Variants in MSLN observed in about 807,000 individuals in gnomAD.
MSLN encodes the protein mesothelin.
A neutral mutation model predicts 72.6 loss-of-function variants in MSLN; 82 were observed. The ratio of observed to expected loss-of-function variants is 1.13; its 90% CI spans 0.94 to 1.36. MSLN has a LOEUF of 1.36. Among genes scored for constraint, MSLN ranks in the 40% most tolerant of loss-of-function variants. The pLI, the probability that MSLN is intolerant of heterozygous loss-of-function variation, is 0.00. For missense variants in MSLN, 1,005 were observed against 847.9 expected, an observed-to-expected ratio of 1.19 and a Z score of -2.30; for synonymous variants, 456 against 387.3, an observed-to-expected ratio of 1.18 and a Z score of -2.08.
chr16:766,119 A>C lies in MSLN; in HGVS notation c.956A>C (p.Lys319Thr). The change falls in exon 12 of 18, where the codon AAG (lysine) becomes ACG (threonine). Residue 319 changes from lysine (K) to threonine (T), a missense_variant. By Grantham distance (78) the Lys-to-Thr change is moderately conservative. Coordinates refer to ENST00000545450, the MANE Select transcript of MSLN (RefSeq NM_005823.6). ...ATAGACGAGAGCCTCATCTTCTACA[A>C]GAAGTGGGAGCTGGAAGCCTGCGTG... The part of the protein sequence containing the change: ...REIDESLIFY[K>T]KWELEACVDA... 1 of 1,612,746 alleles carries C rather than the reference A, an allele frequency of 6.2e-7. No homozygotes were observed. Among genetic ancestry groups the C allele is most frequent in the African/African-American group, 1.3e-5 (1 of 75,080 alleles).
At chr16:763,105 G>A in intron 3 of MSLN, 128 bp from the exon 4 acceptor site, 1 of 647,754 alleles carries the variant, frequency 1.5e-6, no homozygotes, top group South Asian at 1.9e-5. Flanking sequence ...CTGAGCCACT[G>A]GCTTCTCTTT....
In MSLN at chr16:766,352, C is replaced by T. The variant is rs375562155; in HGVS notation, c.1092C>T (p.Tyr364=). Residue 364 remains tyrosine, a synonymous_variant, in exon 13 of 18, where the codon TAC becomes TAT. Transcript: ENST00000545450. ...GCCTGCAGCTCTACCCACAAGGTTA[C>T]CCCGAGTCTGTGATCCAGCACCTGG... ...HKLDELYPQG[Y]PESVIQHLGY... The T allele has an allele frequency of 4.2e-5, 68 of 1,612,698 alleles. No homozygotes were observed. In the East Asian group the frequency reaches 6.5e-4, roughly 15 times the overall value.
chr16:768,495 G>C lies in MSLN; in HGVS notation c.1713G>C (p.Leu571=). 1 of 1,585,312 alleles carries C rather than the reference G, an allele frequency of 6.3e-7. No individual in the cohort carries two copies. The highest frequency in any genetic ancestry group is 8.6e-7 in the Non-Finnish European group (1 of 1,163,692). ...TCCTACGGCAGCGGCAGGACGACCT[G>C]GACACGCTGGGGCTGGGGCTACAGG... ...DWILRQRQDD[L]DTLGLGLQGG... is the part of the protein sequence containing the mutation. Residue 571 remains leucine, a synonymous_variant, in exon 17 of 18, where the codon CTG becomes CTC. Coordinates refer to ENST00000545450, the MANE Select transcript of MSLN (RefSeq NM_005823.6).
chr16:764,706 G>C lies in MSLN; in HGVS notation c.360G>C (p.Leu120Phe). The C allele has an allele frequency of 6.2e-7, 1 of 1,612,050 alleles. No individual in the cohort carries two copies. The highest frequency in any genetic ancestry group is 8.5e-7 in the Non-Finnish European group (1 of 1,179,592). ...EPPEDLDALP[L>F]DLLLFLNPDA... ...CCGAGGACCTGGACGCCCTCCCATTGGACCTGCTGCTATTCCTCAAGTAGG... is the reference window on the plus strand; with the variant it reads ...CCGAGGACCTGGACGCCCTCCCATTCGACCTGCTGCTATTCCTCAAGTAGG... Residue 120 changes from leucine (L) to phenylalanine (F), a missense_variant, in exon 7 of 18, where the codon TTG becomes TTC. By Grantham distance (22) the Leu-to-Phe change is conservative. Coordinates refer to ENST00000545450, the MANE Select transcript of MSLN (RefSeq NM_005823.6).
At position 767,284 on chromosome 16, in the gene MSLN, C is replaced by T. The variant is rs148555821; in HGVS notation, c.1502-92C>T. On this transcript the variant is annotated intron_variant, in intron 15 of 17. Transcript: ENST00000545450. ...GGAATCCCTAAGGAAAAAGGGAAGC[C>T]CTGTAAGGCAAGTGGGCTTCCTGCA... The T allele has an allele frequency of 2.7e-4, 339 of 1,261,278 alleles. 1 individual carries two copies. The East Asian group carries it at 7.1e-3, about 26-fold the overall frequency. 78.1% of individuals were successfully genotyped at this position (1,261,278 alleles called of 1,614,324 possible).
At position 764,992 on chromosome 16, in the gene MSLN, G is replaced by T; in HGVS notation, c.466G>T (p.Ala156Ser). The change falls in exon 8 of 18, where the codon GCT becomes TCT. Residue 156 changes from alanine (A) to serine (S), a missense_variant. Physicochemically the swap from Ala to Ser is moderately conservative, Grantham distance 99 (BLOSUM62 1). Coordinates refer to ENST00000545450, the MANE Select transcript of MSLN (RefSeq NM_005823.6). ...CAATGTGGACCTGCTCCCGAGGGGG[G>T]CTCCCGAGCGACAGCGGCTGCTGCC... is the stretch of plus-strand genomic sequence containing the variant. ...KANVDLLPRGAPERQRLLPAA... is the reference protein window; with the variant it reads ...KANVDLLPRGSPERQRLLPAA... The T allele has an allele frequency of 6.2e-7, 1 of 1,612,286 alleles. No homozygotes were observed. The highest frequency in any genetic ancestry group is 2.2e-5 in the East Asian group (1 of 44,882).
rs771356915 is a variant in MSLN at position 765,346 on chromosome 16, G to A, written c.704+43G>A. 2.5e-5 allele frequency: 37 copies of A among 1,504,048 alleles called. 1 individual carries two copies. Among genetic ancestry groups the A allele is most frequent in the Non-Finnish European group, 3.0e-5 (34 of 1,127,068 alleles). 93.2% of individuals were successfully genotyped at this position (1,504,048 alleles called of 1,614,324 possible). ...GAACCTCGAAGGCTCACCTGGCGGC[G>A]TGGTATCAGCAGCGTGAGGACACTT... is the stretch of plus-strand genomic sequence containing the variant. On this transcript the variant is annotated intron_variant, in intron 9 of 17. Transcript: ENST00000545450.
At chr16:763,953 C>T in intron 5 of MSLN, 70 bp from the exon 6 acceptor site, 1 of 1,575,368 alleles carries the variant, frequency 6.3e-7, no homozygotes, top group Non-Finnish European at 8.6e-7. Context: ...GGCTGTGGGG[C>T]TTGGGGAGCA....
intron 7 of MSLN, 72 bp from the exon 8 acceptor site, chr16:764,835 C>A: frequency 1.3e-6 from 2 of 1,588,658 alleles, no homozygotes. Context: ...ATGTGGAGGC[C>A]GGCCGGGCTG....
At position 763,216 on chromosome 16, in the gene MSLN, C is replaced by G. The variant is rs760846772; in HGVS notation, c.86-17C>G. Reference sequence around the variant, plus strand: ...AGGCCCGCCCCCTCCCCCAAGCTGTCCCCTCTGCCCCTTTAGGATGGGTGC... The same window carrying G: ...AGGCCCGCCCCCTCCCCCAAGCTGTGCCCTCTGCCCCTTTAGGATGGGTGC... On this transcript the variant is annotated splice_polypyrimidine_tract_variant and intron_variant, in intron 3 of 17. Coordinates refer to ENST00000545450, the MANE Select transcript of MSLN (RefSeq NM_005823.6). 18 of 1,525,616 alleles carry G rather than the reference C, an allele frequency of 1.2e-5. No individual in the cohort carries two copies. Among genetic ancestry groups the G allele is most frequent in the Non-Finnish European group, 1.5e-5 (17 of 1,134,774 alleles). The allele number at this position is 1,525,616 out of a possible 1,614,324, so 94.5% of individuals were successfully genotyped here.
Position 766,905 on chromosome 16 carries a change from T to C in MSLN, c.1394T>C (p.Leu465Pro), listed in dbSNP as rs1346316272. 2.5e-6 allele frequency: 4 copies of C among 1,612,458 alleles called. No homozygotes were observed. In the East Asian group the frequency reaches 8.9e-5, roughly 36 times the overall value. ...CCCAGGGCGGTCAGGCCCCAGGACC[T>C]GGACACGTGTGACCCAAGGCAGCTG... ...SSIWAVRPQD[L>P]DTCDPRQLDV... Residue 465 changes from leucine to proline, a missense_variant, in exon 15 of 18, where the codon CTG becomes CCG. By Grantham distance (98) the Leu-to-Pro change is moderately conservative. Transcript: ENST00000545450.
In MSLN at chr16:764,916, G is replaced by A. The variant is rs774992145; in HGVS notation, c.390G>A (p.Ala130=). The A allele has an allele frequency of 1.1e-5, 17 of 1,611,692 alleles. No individual in the cohort carries two copies. Among genetic ancestry groups the A allele is most frequent in the East Asian group, 2.2e-5 (1 of 44,864 alleles). Residue 130 remains alanine, a synonymous_variant, in exon 8 of 18, where the codon GCG becomes GCA. Coordinates refer to ENST00000545450, the MANE Select transcript of MSLN (RefSeq NM_005823.6). ...LDLLLFLNPD[A]FSGPQACTRF... ...CACCCTCTCTTCACAGCCCAGATGC[G>A]TTCTCGGGGCCCCAGGCCTGCACCC...
rs1373463792 is a variant in MSLN, at chr16:764,734, C to G, written c.380+8C>G. The G allele has an allele frequency of 1.2e-6, 2 of 1,607,084 alleles. No homozygotes were observed. Among genetic ancestry groups the G allele is most frequent in the Non-Finnish European group, 1.7e-6 (2 of 1,176,300 alleles). On this transcript the variant is annotated splice_region_variant and intron_variant, in intron 7 of 17. Coordinates refer to ENST00000545450, the MANE Select transcript of MSLN (RefSeq NM_005823.6). ...CCTGCTGCTATTCCTCAAGTAGGCC[C>G]TGCCCCCTGAACCCACCCCCCCGGC... is the stretch of plus-strand genomic sequence containing the variant.
Position 765,753 on chromosome 16 carries a change from G to C in MSLN, c.858G>C (p.Arg286=). The part of the protein sequence containing the change: ...SRDPSWRQPE[R]TILRPRFRRE... The stretch of plus-strand genomic sequence containing the variant: ...ACCCATCCTGGCGGCAGCCTGAACG[G>C]ACCATCCTCCGGCCGCGGTTCCGGC... The change falls in exon 11 of 18, where the codon CGG becomes CGC. Residue 286 remains arginine (R), a synonymous_variant. Coordinates refer to ENST00000545450, the MANE Select transcript of MSLN (RefSeq NM_005823.6). 6.2e-7 allele frequency: 1 copy of C among 1,600,606 alleles called. No homozygotes were observed. The highest frequency in any genetic ancestry group is 8.5e-7 in the Non-Finnish European group (1 of 1,179,712).
Position 764,684 on chromosome 16 carries a change from AG to A in MSLN, c.340del (p.Asp114ThrfsTer64). 6.2e-7 allele frequency: 1 copy of A among 1,612,330 alleles called. No individual in the cohort carries two copies. Among genetic ancestry groups the A allele is most frequent in the Non-Finnish European group, 8.5e-7 (1 of 1,179,802 alleles). Reference sequence around the variant, plus strand: ...GCTCACCGGCTCTCTGAGCCCCCCGAGGACCTGGACGCCCTCCCATTGGACC... The same window carrying A: ...GCTCACCGGCTCTCTGAGCCCCCCGAGACCTGGACGCCCTCCCATTGGACC... ...CLAHRLSEPPEDLDALPLDLL... is the reference protein window; with the variant it reads ...CLAHRLSEPPXDLDALPLDLL... On this transcript the variant is annotated frameshift_variant, in exon 7 of 18. Transcript: ENST00000545450. LOFTEE classifies it high-confidence loss of function.
intron 3 of MSLN, 78 bp downstream of exon 3, chr16:762,843 C>A: frequency 8.4e-7 from 1 of 1,196,474 alleles, no homozygotes; most frequent in Non-Finnish European, 1.2e-6. Context: ...CAAGGCTTTG[C>A]CTGCCCCTGC....
Position 764,980 on chromosome 16 carries a change from C to T in MSLN, c.454C>T (p.Leu152Phe). 1 of 1,612,386 alleles carries T rather than the reference C, an allele frequency of 6.2e-7. No individual in the cohort carries two copies. Among genetic ancestry groups the T allele is most frequent in the East Asian group, 2.2e-5 (1 of 44,882 alleles). The part of the protein sequence containing the change: ...SRITKANVDL[L>F]PRGAPERQRL... ...CATCACGAAGGCCAATGTGGACCTG[C>T]TCCCGAGGGGGGCTCCCGAGCGACA... Residue 152 changes from leucine to phenylalanine, a missense_variant, in exon 8 of 18, where the codon CTC becomes TTC. Leu to Phe is a conservative substitution (Grantham distance 22). Transcript: ENST00000545450.
intron 17 of MSLN, 40 bp from the exon 18 acceptor site, chr16:768,608 G>C (rs1340704834): frequency 6.2e-7 from 1 of 1,611,212 alleles, no homozygotes; most frequent in Non-Finnish European, 8.5e-7. Context: ...AGAGCTGGGG[G>C]CGTGGAGGTG....
intron 2 of MSLN, among the ~76,000 whole-genome samples, chr16:762,170 C>T (rs914538836): frequency 6.6e-6 from 1 of 152,238 alleles, no homozygotes; most frequent in African/African-American, 2.4e-5. Context: ...GCGGTGGCCT[C>T]TGTGCCCGCA....
Sources: allele counts gnomAD v4.1 joint callset (sites outside exome capture counted in the v4.1 genomes callset), GRCh38; gene constraint gnomAD v4.1.1; transcripts MANE v1.5; gene names NCBI Gene and HGNC (gene_info 2026-07-23, HGNC 2026-07-21).